The following KDM7A variants were observed in gnomAD, a reference collection of about 807,000 sequenced individuals.
The protein encoded by KDM7A is lysine demethylase 7A.
Under a neutral mutation model 114.8 loss-of-function variants are expected in KDM7A, and 28 were observed. That is an observed-to-expected ratio of 0.24 (90% CI 0.18 to 0.33). The LOEUF (loss-of-function observed/expected upper bound fraction) is 0.33, where lower values mean the gene tolerates loss of function less well. Among genes scored for constraint, KDM7A ranks in the 10% least tolerant of loss-of-function variants. KDM7A has a pLI of 1.00. For synonymous variants in KDM7A, 423 were observed against 397.8 expected, an observed-to-expected ratio of 1.06 and a Z score of -0.75; for missense variants, 942 against 1,142.5, an observed-to-expected ratio of 0.82 and a Z score of 2.53.
intron 7 of KDM7A, among the ~76,000 whole-genome samples, chr7:140,121,390 A>C (rs1554397857): frequency 2.6e-5 from 4 of 152,130 alleles, no homozygotes; most frequent in Non-Finnish European, 5.9e-5. Flanking sequence ...TCATCTTTTG[A>C]CCCCTCACTG....
intron 17 of KDM7A, chr7:140,094,719 G>C (rs1818076083): frequency 6.6e-6 from 1 of 152,542 alleles, no homozygotes. Flanking sequence ...GTGAAGCAGT[G>C]AGATGGAGAA....
intron 8 of KDM7A, among the ~76,000 whole-genome samples, chr7:140,119,586 A>C (rs1179243609): frequency 2.0e-5 from 3 of 152,226 alleles, no homozygotes; most frequent in African/African-American, 7.2e-5. Flanking sequence ...CACCCAAAAA[A>C]GTTTTATTTA....
rs752686978 is a variant in KDM7A, at chr7:140,133,123, G to GC, written c.398+415dup. Among the ~76,000 whole-genome samples, 66 of 152,316 alleles carry GC rather than the reference G, an allele frequency of 4.3e-4. 1 individual carries two copies. The highest frequency in any genetic ancestry group is 5.4e-4 in the Non-Finnish European group (37 of 68,028). Reference sequence around the variant, plus strand: ...CTTCTGGTGGATGTAGGGCAGAGATGCATATAAAAGCAATGGAGAAAAAGC... The same window carrying GC: ...CTTCTGGTGGATGTAGGGCAGAGATGCCATATAAAAGCAATGGAGAAAAAGC... On this transcript the variant is annotated intron_variant, in intron 3 of 19. Transcript: ENST00000397560.
intron 19 of KDM7A, 118 bp downstream of exon 19, chr7:140,091,686 G>A (rs1463556079): frequency 9.1e-7 from 1 of 1,093,806 alleles, no homozygotes; most frequent in African/African-American, 1.6e-5. Context: ...CCATCACTAT[G>A]CTGTCTACTA....
At chr7:140,140,786 T>G (rs1031080928) in intron 1 of KDM7A, among the ~76,000 whole-genome samples, 2 of 151,534 alleles carry the variant, frequency 1.3e-5, no homozygotes, top group African/African-American at 2.4e-5. Context: ...CTATTACTAC[T>G]GAATACTATT....
At chr7:140,137,170 T>G (rs1585156842) in intron 2 of KDM7A, among the ~76,000 whole-genome samples, 1 of 152,188 alleles carries the variant, frequency 6.6e-6, no homozygotes, top group Non-Finnish European at 1.5e-5. Context: ...GAGTTGGACG[T>G]CTGACCAGAA....
intron 7 of KDM7A, 76 bp from the exon 8 acceptor site, chr7:140,120,605 G>A (rs1818604325): frequency 1.2e-6 from 1 of 818,918 alleles, no homozygotes; most frequent in Non-Finnish European, 2.1e-6. Context: ...TACCTGTGAA[G>A]TAACTCAAAA....
At position 140,096,545 on chromosome 7, in the gene KDM7A, T is replaced by C; in HGVS notation, c.2374+10A>G. 1.2e-6 allele frequency: 2 copies of C among 1,604,322 alleles called. No individual in the cohort carries two copies. Among genetic ancestry groups the C allele is most frequent in the Non-Finnish European group, 1.7e-6 (2 of 1,171,098 alleles). ...TTACTTTTTAGAGACTGATAATTTA[T>C]GTTTCTTACCACATTCCACTGGTTT... On this transcript the variant is annotated intron_variant, in intron 17 of 19. Coordinates refer to ENST00000397560, the MANE Select transcript of KDM7A (RefSeq NM_030647.2).
chr7:140,117,056 T>G (rs912510115), intron 9 of KDM7A, among the ~76,000 whole-genome samples: 1 of 152,240 alleles, frequency 6.6e-6, no homozygotes, highest in African/African-American at 2.4e-5. Flanking sequence ...TATTCCTGTT[T>G]CCAGGATGAA....
At position 140,113,549 on chromosome 7, in the gene KDM7A, T is replaced by C; in HGVS notation, c.1280A>G (p.Tyr427Cys). The change falls in exon 10 of 20, where the codon TAC becomes TGC. Residue 427 changes from tyrosine to cysteine, a missense_variant. This residue lies in a region of KDM7A where 318 missense variants were observed against 453.1 expected (regional missense o/e 0.70). Transcript: ENST00000397560. ...LREDGFQPQT[Y>C]LVQGVKALHT... ...CAGTGCTTTCACTCCCTGTACTAGG[T>C]AAGTTTGAGGCTGGAAACCATCTTC... 1 of 1,606,530 alleles carries C rather than the reference T, an allele frequency of 6.2e-7. No individual in the cohort carries two copies. The highest frequency in any genetic ancestry group is 8.5e-7 in the Non-Finnish European group (1 of 1,174,452).
intron 4 of KDM7A, among the ~76,000 whole-genome samples, 195 bp from the exon 5 acceptor site, chr7:140,127,778 G>A (rs1363177324): frequency 2.6e-5 from 4 of 152,074 alleles, no homozygotes; most frequent in East Asian, 1.9e-4. Flanking sequence ...ATTTTTCAGA[G>A]GAAAAGGAAA....
chr7:140,122,602 G>A (rs1186394236), intron 7 of KDM7A, among the ~76,000 whole-genome samples: 1 of 152,222 alleles, frequency 6.6e-6, no homozygotes, highest in Non-Finnish European at 1.5e-5. Context: ...AGATCCCTGT[G>A]AACTTTACAG....
At chr7:140,113,616 T>C (rs768008698) in intron 9 of KDM7A, 34 bp from the exon 10 acceptor site, 3 of 1,155,452 alleles carry the variant, frequency 2.6e-6, no homozygotes, top group Non-Finnish European at 3.8e-6. Context: ...GAAAAAAAAA[T>C]AGTTAAAATG....
intron 11 of KDM7A, among the ~76,000 whole-genome samples, chr7:140,110,125 G>T (rs1562948906): frequency 9.7e-6 from 1 of 103,180 alleles, no homozygotes; most frequent in East Asian, 2.6e-4. Flanking sequence ...CTAATTTAGA[G>T]CTGACTGACA....
chr7:140,093,552 CTT>C (rs1283217057), intron 18 of KDM7A, among the ~76,000 whole-genome samples: 1 of 152,182 alleles, frequency 6.6e-6, no homozygotes, highest in Non-Finnish European at 1.5e-5. Context: ...TATCACTTCT[CTT>C]GTTTGGTGCT....
intron 1 of KDM7A, among the ~76,000 whole-genome samples, chr7:140,157,902 GAGGTTGC>G (rs1274390250): frequency 6.6e-6 from 1 of 151,346 alleles, no homozygotes; most frequent in African/African-American, 2.4e-5. Flanking sequence ...CCAGGAGGCA[GAGGTTGC>G]AGTGAGCCGA....
intron 11 of KDM7A, among the ~76,000 whole-genome samples, chr7:140,105,412 T>C (rs534664581): frequency 1.8e-4 from 28 of 152,350 alleles, no homozygotes; most frequent in African/African-American, 6.7e-4. Flanking sequence ...CATTATGATA[T>C]TGGCTGTGAG....
rs1339278750 is a variant in KDM7A, at chr7:140,090,880, T to TACC, written c.*211_*213dup. The TACC allele has an allele frequency of 5.6e-6, 3 of 534,374 alleles. No individual in the cohort carries two copies. The highest frequency in any genetic ancestry group is 1.0e-5 in the Non-Finnish European group (3 of 299,094). The allele number at this position is 534,374 out of a possible 1,614,324, so 33.1% of individuals were successfully genotyped here. On this transcript the variant is annotated 3_prime_UTR_variant, in exon 20 of 20. Transcript: ENST00000397560. ...AGTTCAAGGTCTCTTTTTAAGGTTC[T>TACC]ACCCTCCTTCTTCCTCTCCCCCACC...
Position 140,089,752 on chromosome 7 carries a change from A to T in KDM7A, c.*1342T>A, listed in dbSNP as rs1325336066. 2.0e-5 allele frequency: 3 copies of T among 152,208 alleles called. No individual in the cohort carries two copies. Among genetic ancestry groups the T allele is most frequent in the Non-Finnish European group, 4.4e-5 (3 of 68,038 alleles). 9.4% of individuals were successfully genotyped at this position (152,208 alleles called of 1,614,324 possible). A position where few individuals can be genotyped will look rare whatever the true frequency, so the allele number is the denominator to read the frequency against. On this transcript the variant is annotated 3_prime_UTR_variant, in exon 20 of 20. Coordinates refer to ENST00000397560, the MANE Select transcript of KDM7A (RefSeq NM_030647.2). ...AATGAATACCTTAAAGTTTAACCAGATACTTAACCTCAATATGTACTGGTC... is the reference window on the plus strand; with the variant it reads ...AATGAATACCTTAAAGTTTAACCAGTTACTTAACCTCAATATGTACTGGTC...
Sources: allele counts gnomAD v4.1 joint callset (sites outside exome capture counted in the v4.1 genomes callset), GRCh38; gene constraint gnomAD v4.1.1; regional missense constraint gnomAD v4.1.1; transcripts MANE v1.5; gene names NCBI Gene and HGNC (gene_info 2026-07-23, HGNC 2026-07-21).